Variants in PCM1 observed in about 807,000 individuals in gnomAD.
The protein encoded by PCM1 is pericentriolar material 1 protein.
PCM1 carries 157 observed loss-of-function variants against 241.9 expected under a neutral mutation model. The ratio of observed to expected loss-of-function variants is 0.65; its 90% confidence interval spans 0.57 to 0.74. PCM1 has a LOEUF of 0.74. PCM1 is among the 30% of genes least tolerant of loss of function. PCM1 has a pLI of 0.00. For synonymous variants in PCM1, 1,085 were observed against 784.9 expected, an observed-to-expected ratio of 1.38 and a Z score of -6.39; for missense variants, 3,478 against 2,360.1, an observed-to-expected ratio of 1.47 and a Z score of -9.81.
In PCM1 at chr8:17,937,415, G is replaced by T. The variant is rs577416249; in HGVS notation, c.342+36G>T. 21 of 1,477,962 alleles carry T rather than the reference G, an allele frequency of 1.4e-5. No individual in the cohort carries two copies. In the African/African-American group the frequency reaches 2.1e-4, roughly 15 times the overall value. 91.6% of individuals were successfully genotyped at this position (1,477,962 alleles called of 1,614,324 possible). On this transcript the variant is annotated intron_variant, in intron 4 of 38. Transcript: ENST00000325083. ...TATTTTTAAAAATGAAGCTATTACT[G>T]TGAGAAATACTTGAAATGGATTAAA...
intron 23 of PCM1, among the ~76,000 whole-genome samples, chr8:17,976,503 C>T (rs2078819160): frequency 1.3e-5 from 2 of 152,198 alleles, no homozygotes; most frequent in African/African-American, 4.8e-5. Context: ...GAGTGGAAAA[C>T]GTCCATCCAT....
At chr8:17,962,709 G>A (rs2073008752) in intron 16 of PCM1, among the ~76,000 whole-genome samples, 1 of 151,944 alleles carries the variant, frequency 6.6e-6, no homozygotes, top group South Asian at 2.1e-4. Flanking sequence ...GACCAGCCTG[G>A]TCAACGTGGT....
Position 17,957,359 on chromosome 8 carries a change from A to G in PCM1, c.1742A>G (p.Asn581Ser), listed in dbSNP as rs1425842058. Residue 581 changes from asparagine to serine, a missense_variant, in exon 12 of 39, where the codon AAT (asparagine) becomes AGT (serine). Physicochemically the swap from Asn to Ser is conservative, Grantham distance 46. Coordinates refer to ENST00000325083, the MANE Select transcript of PCM1 (RefSeq NM_006197.4). ...NNRDGRTVNS[N>S]CEINNRSAAN... ...AGAGATGGGCGAACAGTTAATTCTA[A>G]TTGTGAAATTAACAACAGATCTGCT... 2.5e-6 allele frequency: 4 copies of G among 1,611,480 alleles called. No individual in the cohort carries two copies. The highest frequency in any genetic ancestry group is 1.1e-5 in the South Asian group (1 of 91,056).
At chr8:17,994,667 A>G (rs977039930) in intron 29 of PCM1, among the ~76,000 whole-genome samples, 2 of 152,202 alleles carry the variant, frequency 1.3e-5, no homozygotes, top group African/African-American at 4.8e-5. Context: ...GCAGTGTATG[A>G]AAGTTCCCTT....
At chr8:17,956,462 C>T in intron 10 of PCM1, 142 bp from the exon 11 acceptor site, 1 of 598,566 alleles carries the variant, frequency 1.7e-6, no homozygotes, top group Non-Finnish European at 2.9e-6. Flanking sequence ...ATTTTACAGT[C>T]ATACCCCCTG....
intron 29 of PCM1, among the ~76,000 whole-genome samples, chr8:18,004,489 T>C (rs2090665229): frequency 1.3e-5 from 2 of 152,214 alleles, no homozygotes; most frequent in African/African-American, 4.8e-5. Context: ...TGTGTAGCCC[T>C]GATTTAAGTG....
At chr8:17,989,688 C>T (rs1446495259) in intron 26 of PCM1, among the ~76,000 whole-genome samples, 171 bp from the exon 27 acceptor site, 2 of 151,918 alleles carry the variant, frequency 1.3e-5, no homozygotes, top group Non-Finnish European at 2.9e-5. Flanking sequence ...CTGTATTCAG[C>T]GTTTAATAAC....
intron 2 of PCM1, chr8:17,927,124 A>ATTTTTTTTTTTTTTTTTTTTTTTTTTT (rs77247841): frequency 1.1e-4 from 14 of 130,426 alleles, no homozygotes; most frequent in Non-Finnish European, 2.2e-4. Context: ...GATCACTTTG[A>ATTTTTTTTTTTTTTTTTTTTTTTTTTT]TTTTTTTTTT....
intron 22 of PCM1, 47 bp downstream of exon 22, chr8:17,969,795 G>T (rs1196767035): frequency 7.3e-7 from 1 of 1,373,812 alleles, no homozygotes; most frequent in Non-Finnish European, 1.0e-6. Context: ...TCACTTTTGT[G>T]ATTACATCTA....
chr8:17,923,723 C>T (rs970874272), intron 1 of PCM1, among the ~76,000 whole-genome samples: 3 of 152,048 alleles, frequency 2.0e-5, no homozygotes, highest in Non-Finnish European at 4.4e-5. Flanking sequence ...AGGATTTCCG[C>T]CGTCTCTGGT....
intron 29 of PCM1, among the ~76,000 whole-genome samples, chr8:17,994,229 C>T (rs1488118241): frequency 5.3e-5 from 8 of 152,162 alleles, no homozygotes; most frequent in Non-Finnish European, 2.9e-5. Context: ...AGTTTATCTC[C>T]ATGAGTTAAA....
At chr8:17,939,032 C>G (rs2061256577) in intron 5 of PCM1, 23 bp downstream of exon 5, 3 of 1,610,838 alleles carry the variant, frequency 1.9e-6, no homozygotes, top group African/African-American at 1.3e-5. Context: ...GTTTCTTTTG[C>G]TCATTCTTTA....
At chr8:17,930,688 C>A (rs2058723976) in intron 2 of PCM1, among the ~76,000 whole-genome samples, 1 of 151,846 alleles carries the variant, frequency 6.6e-6, no homozygotes, top group Non-Finnish European at 1.5e-5. Flanking sequence ...ACCATCCTGG[C>A]TAACATGGTG....
At position 18,027,690 on chromosome 8, in the gene PCM1, G is replaced by T; in HGVS notation, c.*28G>T. 1 of 1,537,386 alleles carries T rather than the reference G, an allele frequency of 6.5e-7. No homozygotes were observed. The highest frequency in any genetic ancestry group is 1.7e-5 in the Admixed American group (1 of 59,296). ...TGTCTTCAGAGGCTCATCTAACTCT[G>T]TCCTTACATACTCAATGCATATATG... On this transcript the variant is annotated 3_prime_UTR_variant, in exon 39 of 39. Coordinates refer to ENST00000325083, the MANE Select transcript of PCM1 (RefSeq NM_006197.4).
intron 1 of PCM1, among the ~76,000 whole-genome samples, chr8:17,923,565 G>C (rs1159535385): frequency 6.6e-6 from 1 of 152,260 alleles, no homozygotes; most frequent in South Asian, 2.1e-4. Flanking sequence ...AGGGGCACTG[G>C]GTCGAGTTCT....
At chr8:17,997,594 A>G (rs1379772432) in intron 29 of PCM1, among the ~76,000 whole-genome samples, 1 of 152,114 alleles carries the variant, frequency 6.6e-6, no homozygotes, top group Admixed American at 6.5e-5. Context: ...CTTCAAGCTA[A>G]TTCTTTAGCT....
At chr8:17,982,099 T>G (rs2081045101) in intron 24 of PCM1, among the ~76,000 whole-genome samples, 1 of 152,224 alleles carries the variant, frequency 6.6e-6, no homozygotes, top group African/African-American at 2.4e-5. Flanking sequence ...TGTTTGCATT[T>G]TGAAATGAAT....
chr8:17,946,383 A>G (rs1175161939), intron 6 of PCM1, among the ~76,000 whole-genome samples: 1 of 151,824 alleles, frequency 6.6e-6, no homozygotes, highest in Non-Finnish European at 1.5e-5. Flanking sequence ...ACATAAGATT[A>G]TCAAATAAAA....
At chr8:18,008,314 T>C (rs1372673469) in intron 30 of PCM1, among the ~76,000 whole-genome samples, 1 of 151,892 alleles carries the variant, frequency 6.6e-6, no homozygotes, top group South Asian at 2.1e-4. Flanking sequence ...CTTATGAGAA[T>C]CTAATTCCTG....
Sources: allele counts gnomAD v4.1 joint callset (sites outside exome capture counted in the v4.1 genomes callset), GRCh38; gene constraint gnomAD v4.1.1; transcripts MANE v1.5; gene names NCBI Gene and HGNC (gene_info 2026-07-23, HGNC 2026-07-21).